The following CEP112 variants were observed in gnomAD, a reference collection of about 807,000 sequenced individuals.
CEP112 encodes centrosomal protein of 112 kDa.
Under a neutral mutation model 153.0 loss-of-function variants are expected in CEP112, and 127 were observed. The ratio of observed to expected loss-of-function variants is 0.83; its 90% CI spans 0.72 to 0.96. The LOEUF is 0.96. Ranked by LOEUF, CEP112 falls within the 40% of genes least tolerant of loss-of-function variation. The pLI, the probability that CEP112 is intolerant of heterozygous loss-of-function variation, is 0.00. For synonymous variants in CEP112, 358 were observed against 374.4 expected, an observed-to-expected ratio of 0.96 and a Z score of 0.51; for missense variants, 1,089 against 1,101.2, an observed-to-expected ratio of 0.99 and a Z score of 0.16.
At chr17:66,075,465 T>A (rs2067456357) in intron 8 of CEP112, among the ~76,000 whole-genome samples, 1 of 149,326 alleles carries the variant, frequency 6.7e-6, no homozygotes, top group African/African-American at 2.5e-5. Flanking sequence ...AATAGAAAAA[T>A]TAAAATAGAA....
rs912144592 is a variant in CEP112, at chr17:65,708,998, C to T, written c.2608-19780G>A. Among the ~76,000 whole-genome samples, 7 of 152,258 alleles carry T rather than the reference C, an allele frequency of 4.6e-5. No homozygotes were observed. In the South Asian group the frequency reaches 8.3e-4, roughly 18 times the overall value. Reference sequence around the variant, plus strand: ...GTTCTCCTCTGGGAGTATCCCTCAACGTCTGTTTTATCCTATTTCCCCGGC... The same window carrying T: ...GTTCTCCTCTGGGAGTATCCCTCAATGTCTGTTTTATCCTATTTCCCCGGC... On this transcript the variant is annotated intron_variant, in intron 23 of 26. Coordinates refer to ENST00000535342, the MANE Select transcript of CEP112 (RefSeq NM_001199165.4).
intron 12 of CEP112, among the ~76,000 whole-genome samples, chr17:66,043,786 C>T (rs2066086456): frequency 6.6e-6 from 1 of 152,146 alleles, no homozygotes; most frequent in Non-Finnish European, 1.5e-5. Context: ...ATGCGTAAGT[C>T]TCATAATCTA....
intron 4 of CEP112, among the ~76,000 whole-genome samples, chr17:66,157,847 G>C (rs1035487827): frequency 1.3e-5 from 2 of 152,044 alleles, no homozygotes; most frequent in African/African-American, 4.8e-5. Flanking sequence ...AGTATCCTAA[G>C]TATATATGCA....
intron 4 of CEP112, among the ~76,000 whole-genome samples, chr17:66,140,185 C>A (rs1405447305): frequency 1.3e-5 from 2 of 152,098 alleles, no homozygotes; most frequent in Non-Finnish European, 2.9e-5. Flanking sequence ...ATTATATGAT[C>A]ATTTGGATCG....
intron 21 of CEP112, chr17:65,826,312 C>T (rs1463077611): frequency 6.2e-7 from 1 of 1,613,762 alleles, no homozygotes; most frequent in African/African-American, 1.3e-5. Context: ...TCGTTGACCC[C>T]CATTAAGATC....
At chr17:66,031,473 GTT>G (rs373101324) in intron 12 of CEP112, among the ~76,000 whole-genome samples, 13 of 120,026 alleles carry the variant, frequency 1.1e-4, no homozygotes, top group South Asian at 3.3e-4. Flanking sequence ...GTTTTGTTTT[GTT>G]TTTTTTTTTT....
intron 21 of CEP112, among the ~76,000 whole-genome samples, chr17:65,847,856 G>A (rs2057783955): frequency 6.6e-6 from 1 of 152,212 alleles, no homozygotes; most frequent in Non-Finnish European, 1.5e-5. Flanking sequence ...AAGGAGGTTG[G>A]CCATTGAAAA....
intron 9 of CEP112, among the ~76,000 whole-genome samples, chr17:66,067,961 T>A (rs1203051182): frequency 6.6e-6 from 1 of 152,130 alleles, no homozygotes; most frequent in Non-Finnish European, 1.5e-5. Context: ...CCCAGATACA[T>A]GAGGAGATGA....
intron 6 of CEP112, among the ~76,000 whole-genome samples, chr17:66,113,562 G>A (rs2069152813): frequency 6.6e-6 from 1 of 152,102 alleles, no homozygotes; most frequent in Non-Finnish European, 1.5e-5. Flanking sequence ...TTACAATGCA[G>A]CATTTCAACT....
intron 21 of CEP112, among the ~76,000 whole-genome samples, chr17:65,786,959 G>A (rs1034979797): frequency 1.3e-5 from 2 of 152,032 alleles, no homozygotes; most frequent in African/African-American, 4.8e-5. Context: ...GAAATGAAGA[G>A]CTTAACAAAA....
chr17:65,707,193 A>C (rs1389874112), intron 23 of CEP112, among the ~76,000 whole-genome samples: 2 of 152,186 alleles, frequency 1.3e-5, no homozygotes, highest in Admixed American at 1.3e-4. Flanking sequence ...AGGAGTTATC[A>C]TTGAATCCCT....
At chr17:65,901,542 C>T (rs1044606633) in intron 20 of CEP112, among the ~76,000 whole-genome samples, 16 of 152,228 alleles carry the variant, frequency 1.1e-4, no homozygotes, top group Non-Finnish European at 2.2e-4. Flanking sequence ...AATGCTACCA[C>T]AGCTGGGGGT....
chr17:66,189,945 T>A (rs978275443), intron 1 of CEP112, among the ~76,000 whole-genome samples: 1 of 151,960 alleles, frequency 6.6e-6, no homozygotes, highest in African/African-American at 2.4e-5. Context: ...GGTGGGAGGA[T>A]CACTTGAGCC....
intron 4 of CEP112, among the ~76,000 whole-genome samples, chr17:66,151,569 T>C (rs1480487842): frequency 1.3e-5 from 2 of 152,242 alleles, no homozygotes; most frequent in African/African-American, 4.8e-5. Flanking sequence ...AAAAAGATTC[T>C]AGCTTCCATC....
In CEP112 at chr17:65,886,820, G is replaced by A. The variant is rs111807084; in HGVS notation, c.2163+15332C>T. 1.4e-4 allele frequency among the ~76,000 whole-genome samples: 22 copies of A among 152,230 alleles called. 2 individuals are homozygous for A. The highest frequency in any genetic ancestry group is 4.8e-4 in the African/African-American group (20 of 41,528). On this transcript the variant is annotated intron_variant, in intron 20 of 26. Coordinates refer to ENST00000535342, the MANE Select transcript of CEP112 (RefSeq NM_001199165.4). ...CTGAGCTCAATCTACACAACCGCGG[G>A]CTGCCATAGGGTTCAGAAGAGAAAG... is the stretch of plus-strand genomic sequence containing the variant.
chr17:65,762,004 A>G (rs1266549429), intron 21 of CEP112, among the ~76,000 whole-genome samples: 1 of 152,136 alleles, frequency 6.6e-6, no homozygotes, highest in Non-Finnish European at 1.5e-5. Context: ...GTCTACAACT[A>G]TAATAGTAGA....
At chr17:65,996,266 C>T (rs1336144639) in intron 17 of CEP112, among the ~76,000 whole-genome samples, 1 of 151,698 alleles carries the variant, frequency 6.6e-6, no homozygotes. Context: ...CAGTATTTCA[C>T]TAAAGCCCAA....
chr17:65,806,792 T>C (rs1219222699), intron 21 of CEP112, among the ~76,000 whole-genome samples: 1 of 152,208 alleles, frequency 6.6e-6, no homozygotes, highest in Non-Finnish European at 1.5e-5. Context: ...CCTGCAAAAC[T>C]GTGAGTCAAT....
intron 12 of CEP112, among the ~76,000 whole-genome samples, chr17:66,049,082 C>T (rs889914499): frequency 2.0e-5 from 3 of 152,160 alleles, no homozygotes; most frequent in Non-Finnish European, 2.9e-5. Context: ...GCTTGCTGAT[C>T]GCACATGGGA....
Sources: gnomAD v4.1 joint callset for allele counts (sites outside exome capture counted in the v4.1 genomes callset) on GRCh38, gnomAD v4.1.1 for gene constraint, MANE v1.5 for transcripts, NCBI Gene and HGNC (gene_info 2026-07-23, HGNC 2026-07-21) for gene names.